Variants in ADAM12 observed in about 807,000 individuals in gnomAD.
The protein encoded by ADAM12 is ADAM metallopeptidase domain 12.
ADAM12 carries 70 observed loss-of-function variants against 106.4 expected under a neutral mutation model. The observed-to-expected ratio is 0.66, with a 90% CI of 0.54 to 0.80. ADAM12 has a LOEUF of 0.80. Among genes scored for constraint, ADAM12 ranks in the 30% least tolerant of loss-of-function variants. The probability of loss-of-function intolerance (pLI) is 0.00; values close to 1 mark genes in which losing one functional copy is unlikely to be tolerated. For synonymous variants in ADAM12, 420 were observed against 433.5 expected (o/e 0.97, Z 0.39); for missense variants, 1,010 against 1,171.9 (o/e 0.86, Z 2.02).
intron 3 of ADAM12, among the ~76,000 whole-genome samples, chr10:126,245,872 G>A (rs1002712650): frequency 6.6e-6 from 1 of 152,200 alleles, no homozygotes; most frequent in African/African-American, 2.4e-5. Flanking sequence ...CAGGAGAGAG[G>A]AATGGATGAA....
chr10:126,052,448 A>G (rs1442951597), intron 14 of ADAM12, among the ~76,000 whole-genome samples: 1 of 152,248 alleles, frequency 6.6e-6, no homozygotes, highest in Non-Finnish European at 1.5e-5. Flanking sequence ...ATTATAAAGT[A>G]ATTTCTTTCT....
rs1337688836 is a variant in ADAM12, at chr10:126,014,191, T to TAAAC, written c.*3084_*3087dup. 1 of 152,374 alleles carries TAAAC rather than the reference T, an allele frequency of 6.6e-6. No individual in the cohort carries two copies. Among genetic ancestry groups the TAAAC allele is most frequent in the African/African-American group, 2.4e-5 (1 of 41,404 alleles). The allele number at this position is 152,374 out of a possible 1,614,324, so 9.4% of individuals were successfully genotyped here. ...GGTCTCATTGGCTCAGAGTGCTTAG[T>TAAAC]AAACATCAGTGGCGAGGGGGCAGGA... On this transcript the variant is annotated 3_prime_UTR_variant, in exon 23 of 23. Transcript: ENST00000448723.
chr10:126,237,868 T>G (rs948647970), intron 3 of ADAM12, among the ~76,000 whole-genome samples: 6 of 152,150 alleles, frequency 3.9e-5, no homozygotes, highest in Non-Finnish European at 5.9e-5. Flanking sequence ...CAAGCTAGGA[T>G]GACATAAAGA....
At chr10:126,198,099 T>C (rs1957630824) in intron 3 of ADAM12, among the ~76,000 whole-genome samples, 1 of 152,192 alleles carries the variant, frequency 6.6e-6, no homozygotes, top group Non-Finnish European at 1.5e-5. Flanking sequence ...GGGGCTGGTG[T>C]TCAGTCAAGA....
intron 1 of ADAM12, among the ~76,000 whole-genome samples, chr10:126,371,915 CCA>C: frequency 6.6e-6 from 1 of 152,290 alleles, no homozygotes; most frequent in East Asian, 1.9e-4. Flanking sequence ...TATGCCTAGC[CCA>C]CAGTGAGTCC....
intron 1 of ADAM12, among the ~76,000 whole-genome samples, chr10:126,370,249 T>C (rs1856063739): frequency 6.6e-6 from 1 of 152,214 alleles, no homozygotes; most frequent in Non-Finnish European, 1.5e-5. Context: ...GCTGTGAGAT[T>C]GTACACAGGT....
chr10:126,305,161 CAG>C (rs1342492107), intron 2 of ADAM12, among the ~76,000 whole-genome samples: 1 of 152,010 alleles, frequency 6.6e-6, no homozygotes, highest in Non-Finnish European at 1.5e-5. Context: ...GTGACTTACA[CAG>C]AGTTAATTAT....
intron 1 of ADAM12, among the ~76,000 whole-genome samples, chr10:126,345,381 A>G (rs555407387): frequency 1.4e-4 from 21 of 152,286 alleles, no homozygotes; most frequent in African/African-American, 4.8e-4. Context: ...AGCCCACTTG[A>G]TCATGGTAGA....
At chr10:126,055,349 A>G (rs1207379630) in intron 14 of ADAM12, among the ~76,000 whole-genome samples, 1 of 152,200 alleles carries the variant, frequency 6.6e-6, no homozygotes, top group Non-Finnish European at 1.5e-5. Flanking sequence ...ACTCAACCCT[A>G]GAACAAAGAT....
chr10:126,363,513 T>C (rs1356080753), intron 1 of ADAM12, among the ~76,000 whole-genome samples: 1 of 152,180 alleles, frequency 6.6e-6, no homozygotes, highest in Non-Finnish European at 1.5e-5. Context: ...GCTTTTCCAC[T>C]CCTGCTCTGA....
chr10:126,151,103 T>G (rs1241538545), intron 4 of ADAM12, among the ~76,000 whole-genome samples: 1 of 152,220 alleles, frequency 6.6e-6, no homozygotes, highest in Non-Finnish European at 1.5e-5. Context: ...AGTCAGCCTA[T>G]CTCCCCATAG....
intron 5 of ADAM12, among the ~76,000 whole-genome samples, chr10:126,124,709 ATT>A (rs559560166): frequency 1.6e-3 from 245 of 152,068 alleles, no homozygotes; most frequent in African/African-American, 5.7e-3. Context: ...CCTGGGCAAC[ATT>A]GTGAAACCCC....
At chr10:126,364,929 A>C (rs1855859925) in intron 1 of ADAM12, among the ~76,000 whole-genome samples, 1 of 152,132 alleles carries the variant, frequency 6.6e-6, no homozygotes, top group Admixed American at 6.5e-5. Flanking sequence ...TCCCCCAGGT[A>C]AAGAATAGTG....
chr10:126,037,144 A>ATAAT (rs972164165), intron 20 of ADAM12, among the ~76,000 whole-genome samples: 3 of 152,194 alleles, frequency 2.0e-5, no homozygotes, highest in African/African-American at 7.2e-5. Context: ...TTTACTCAGA[A>ATAAT]TAATTATCTA....
chr10:126,143,659 CAT>C (rs1434422867), intron 4 of ADAM12, among the ~76,000 whole-genome samples: 1 of 147,456 alleles, frequency 6.8e-6, no homozygotes, highest in Non-Finnish European at 1.5e-5. Context: ...ATATGGTGTG[CAT>C]ATGTGTATAT....
chr10:126,216,466 C>T (rs1957989286), intron 3 of ADAM12, among the ~76,000 whole-genome samples: 1 of 152,196 alleles, frequency 6.6e-6, no homozygotes, highest in Non-Finnish European at 1.5e-5. Flanking sequence ...CAATTTCGCC[C>T]CTGCCAAGAT....
Position 126,388,077 on chromosome 10 carries a change from G to A in ADAM12, c.69C>T (p.Leu23=). The A allele has an allele frequency of 3.2e-6, 4 of 1,232,112 alleles. No individual in the cohort carries two copies. Among genetic ancestry groups the A allele is most frequent in the Non-Finnish European group, 4.1e-6 (4 of 986,658 alleles). The allele number at this position is 1,232,112 out of a possible 1,614,324, so 76.3% of individuals were successfully genotyped here. ...ACTTACCTCGGGCCTCGCAGGGCGC[G>A]AGCAGAGCACCGGCCAGGGCGAGCA... The part of the protein sequence containing the change: ...ALLLALAGAL[L]APCEARGVSL... The change falls in exon 1 of 23, where the codon CTC becomes CTT. Residue 23 remains leucine, a synonymous_variant. Coordinates refer to ENST00000448723, the MANE Select transcript of ADAM12 (RefSeq NM_001288973.2). The surrounding 1 kb of genome is among the most constrained non-coding windows in gnomAD (Gnocchi z 4.4).
intron 3 of ADAM12, among the ~76,000 whole-genome samples, chr10:126,272,369 G>C (rs1959181990): frequency 6.6e-6 from 1 of 152,124 alleles, no homozygotes; most frequent in South Asian, 2.1e-4. Flanking sequence ...TGGCAGATTA[G>C]GCCAATGTTT....
At chr10:126,214,323 G>C (rs1282296999) in intron 3 of ADAM12, among the ~76,000 whole-genome samples, 2 of 152,176 alleles carry the variant, frequency 1.3e-5, no homozygotes, top group Admixed American at 6.5e-5. Context: ...TTCTCTATCT[G>C]TAACGTGGGG....
Sources: allele counts gnomAD v4.1 joint callset (sites outside exome capture counted in the v4.1 genomes callset), GRCh38; gene constraint gnomAD v4.1.1; non-coding constraint Gnocchi (gnomAD v3.1); transcripts MANE v1.5; gene names NCBI Gene and HGNC (gene_info 2026-07-23, HGNC 2026-07-21).